The following FARS2 variants were observed in gnomAD, a reference collection of about 807,000 sequenced individuals.
FARS2 encodes phenylalanyl-tRNA synthetase 2, mitochondrial.
Under a neutral mutation model 46.4 loss-of-function variants are expected in FARS2, and 40 were observed. That is an observed-to-expected ratio of 0.86 (90% CI 0.67 to 1.12). FARS2 has a LOEUF of 1.12. FARS2 is among the 50% of genes most tolerant of loss of function. The probability of loss-of-function intolerance (pLI) is 0.00; values close to 1 mark genes in which losing one functional copy is unlikely to be tolerated. For missense variants in FARS2, 513 were observed against 567.9 expected (o/e 0.90, Z 0.98); for synonymous variants, 234 against 214.9 (o/e 1.09, Z -0.78).
intron 4 of FARS2, among the ~76,000 whole-genome samples, chr6:5,489,760 A>G (rs146658954): frequency 1.0e-3 from 157 of 152,314 alleles, no homozygotes; most frequent in African/African-American, 3.7e-3. Flanking sequence ...GCTGGTTATT[A>G]TTATAGAAAG....
chr6:5,576,824 C>A (rs1260090673), intron 5 of FARS2, among the ~76,000 whole-genome samples: 1 of 151,586 alleles, frequency 6.6e-6, no homozygotes, highest in Non-Finnish European at 1.5e-5. Flanking sequence ...AGTAGCAATT[C>A]CTTACTATCA....
rs975751008 is a variant in FARS2, at chr6:5,574,431, G to A, written c.1065+29091G>A. On this transcript the variant is annotated intron_variant, in intron 5 of 6. Coordinates refer to ENST00000274680, the MANE Select transcript of FARS2 (RefSeq NM_006567.5). Reference sequence around the variant, plus strand: ...TAGGAGAGTCTTTTGAGAAAAATAGGTCTACTGTATGGAGCGGTCATATTT... The same window carrying A: ...TAGGAGAGTCTTTTGAGAAAAATAGATCTACTGTATGGAGCGGTCATATTT... Among the ~76,000 whole-genome samples, 13 of 152,168 alleles carry A rather than the reference G, an allele frequency of 8.5e-5. 1 individual carries two copies. Among genetic ancestry groups the A allele is most frequent in the Admixed American group, 3.9e-4 (6 of 15,266 alleles).
chr6:5,634,691 A>G (rs1268342069), intron 6 of FARS2, among the ~76,000 whole-genome samples: 1 of 152,190 alleles, frequency 6.6e-6, no homozygotes, highest in Non-Finnish European at 1.5e-5. Context: ...TTGTGCTCCT[A>G]TTCTTAGCAA....
At chr6:5,503,584 C>T (rs1582291596) in intron 4 of FARS2, among the ~76,000 whole-genome samples, 1 of 151,812 alleles carries the variant, frequency 6.6e-6, no homozygotes, top group African/African-American at 2.4e-5. Context: ...ATAAAATATA[C>T]AAGTATATAA....
chr6:5,365,028 G>A (rs1241067385), intron 1 of FARS2, among the ~76,000 whole-genome samples: 2 of 151,140 alleles, frequency 1.3e-5, no homozygotes, highest in East Asian at 3.9e-4. Context: ...CAGCCTGGGT[G>A]ACAGAGTAAG....
At chr6:5,733,080 T>C (rs1760739327) in intron 6 of FARS2, among the ~76,000 whole-genome samples, 1 of 152,216 alleles carries the variant, frequency 6.6e-6, no homozygotes, top group Non-Finnish European at 1.5e-5. Context: ...AGAGGTTTTG[T>C]GTGATTTTAA....
chr6:5,539,177 C>T (rs1349069610), intron 4 of FARS2, among the ~76,000 whole-genome samples: 1 of 151,752 alleles, frequency 6.6e-6, no homozygotes, highest in South Asian at 2.1e-4. Flanking sequence ...TCAGTGTGGT[C>T]CTGCCAATCA....
intron 4 of FARS2, among the ~76,000 whole-genome samples, chr6:5,492,377 T>C (rs1372198713): frequency 2.6e-5 from 4 of 152,254 alleles, no homozygotes; most frequent in Admixed American, 6.5e-5. Context: ...AGATAGTGTA[T>C]ATTCGACTTT....
At chr6:5,770,626 G>A (rs946873446) in intron 6 of FARS2, among the ~76,000 whole-genome samples, 1 of 152,124 alleles carries the variant, frequency 6.6e-6, no homozygotes, top group Non-Finnish European at 1.5e-5. Context: ...GTGTGTCTTA[G>A]CACCTGCCAT....
chr6:5,414,811 G>GTTTTTTTTT (rs35210878), intron 3 of FARS2, among the ~76,000 whole-genome samples: 2 of 86,680 alleles, frequency 2.3e-5, no homozygotes, highest in African/African-American at 4.5e-5. Flanking sequence ...GTATATGACT[G>GTTTTTTTTT]TTTTTTTTTT....
chr6:5,539,364 G>A (rs552875293), intron 4 of FARS2, among the ~76,000 whole-genome samples: 3 of 98,006 alleles, frequency 3.1e-5, no homozygotes, highest in Admixed American at 1.0e-4. Flanking sequence ...CCGCCACCAT[G>A]CCCACCTAAT....
chr6:5,506,187 A>G (rs900660804), intron 4 of FARS2, among the ~76,000 whole-genome samples: 1 of 152,146 alleles, frequency 6.6e-6, no homozygotes, highest in Non-Finnish European at 1.5e-5. Context: ...CCCAACTTCA[A>G]GGTCTTTTAG....
At chr6:5,718,215 G>A (rs1051188973) in intron 6 of FARS2, among the ~76,000 whole-genome samples, 1 of 152,028 alleles carries the variant, frequency 6.6e-6, no homozygotes, top group African/African-American at 2.4e-5. Flanking sequence ...TGCCCGGCCA[G>A]TATCAGCTAT....
intron 1 of FARS2, among the ~76,000 whole-genome samples, chr6:5,352,815 C>T (rs531427949): frequency 8.6e-5 from 13 of 151,934 alleles, no homozygotes; most frequent in South Asian, 8.3e-4. Context: ...TACATATGTA[C>T]GGGGTACAGT....
At chr6:5,467,370 A>C (rs1193726549) in intron 4 of FARS2, among the ~76,000 whole-genome samples, 3 of 152,200 alleles carry the variant, frequency 2.0e-5, no homozygotes, top group Non-Finnish European at 4.4e-5. Flanking sequence ...AAGGAGGTTC[A>C]TGATCATTGC....
chr6:5,292,925 G>C (rs1177079259), intron 1 of FARS2, among the ~76,000 whole-genome samples: 1 of 152,166 alleles, frequency 6.6e-6, no homozygotes, highest in Non-Finnish European at 1.5e-5. Flanking sequence ...GAGGTGGGAA[G>C]GCCAGAAGAG....
intron 2 of FARS2, among the ~76,000 whole-genome samples, chr6:5,390,892 C>A (rs111877362): frequency 6.2e-4 from 95 of 152,278 alleles, no homozygotes; most frequent in African/African-American, 2.2e-3. Flanking sequence ...TCAAAGCAGT[C>A]CTCCTGGAAT....
At chr6:5,562,695 TACACACACAC>T (rs35980009) in intron 5 of FARS2, among the ~76,000 whole-genome samples, 6 of 135,698 alleles carry the variant, frequency 4.4e-5, no homozygotes, top group Non-Finnish European at 6.3e-5. Context: ...CTGTAATTTA[TACACACACAC>T]ACACACACAC....
intron 5 of FARS2, among the ~76,000 whole-genome samples, chr6:5,549,352 C>T (rs1400569207): frequency 6.6e-6 from 1 of 152,168 alleles, no homozygotes; most frequent in South Asian, 2.1e-4. Context: ...CCACGACAGA[C>T]CCTGGTGTGT....
Sources: gnomAD v4.1 joint callset for allele counts (sites outside exome capture counted in the v4.1 genomes callset) on GRCh38, gnomAD v4.1.1 for gene constraint, MANE v1.5 for transcripts, NCBI Gene and HGNC (gene_info 2026-07-23, HGNC 2026-07-21) for gene names.